PLCH2: variants seen among roughly 807,000 people sequenced by gnomAD.
PLCH2 encodes the protein 1-phosphatidylinositol 4,5-bisphosphate phosphodiesterase eta-2.
In PLCH2, 98 loss-of-function variants were observed where a neutral mutation model predicts 134.7. The ratio of observed to expected loss-of-function variants is 0.73; its 90% CI spans 0.62 to 0.86. PLCH2 has a LOEUF of 0.86. Among genes scored for constraint, PLCH2 ranks in the 40% least tolerant of loss-of-function variants. The probability of loss-of-function intolerance (pLI) is 0.00; values close to 1 mark genes in which losing one functional copy is unlikely to be tolerated. For synonymous variants in PLCH2, 974 were observed against 827.5 expected (o/e 1.18, Z -3.04); for missense variants, 1,994 against 1,986.6 (o/e 1.00, Z -0.07).
the PLCH2 span, among the ~76,000 whole-genome samples, chr1:2,418,265 G>A: frequency 3.3e-5 from 5 of 152,356 alleles, no homozygotes; most frequent in Admixed American, 1.3e-4. Context: ...AGCAGCTGCC[G>A]ACAGTGACAG....
intron 2 of PLCH2, 30 bp from the exon 3 acceptor site, chr1:2,479,704 C>T (rs2100652083): frequency 6.6e-7 from 1 of 1,519,948 alleles, no homozygotes; most frequent in East Asian, 2.5e-5. Context: ...CCCCCGGGGA[C>T]CTGACCCGTG....
upstream of PLCH2, among the ~76,000 whole-genome samples, chr1:2,463,486 G>T (rs1640917995): frequency 6.6e-6 from 1 of 152,244 alleles, no homozygotes; most frequent in Non-Finnish European, 1.5e-5. Flanking sequence ...TACTGCAGCA[G>T]GTCATCGGGA....
chr1:2,479,862 G>A lies in PLCH2; in HGVS notation c.400G>A (p.Asp134Asn), dbSNP rs2100652948. 6.2e-7 allele frequency: 1 copy of A among 1,611,560 alleles called. No homozygotes were observed. Among genetic ancestry groups the A allele is most frequent in the East Asian group, 2.2e-5 (1 of 44,848 alleles). ...CCACGGCAGCCACCGCGAGTCGCTGGACCTGGTCTCCACCAGCAGCGAGGT... is the reference window on the plus strand; with the variant it reads ...CCACGGCAGCCACCGCGAGTCGCTGAACCTGGTCTCCACCAGCAGCGAGGT... ...IYHGSHRESLDLVSTSSEVAR... is the reference protein window; with the variant it reads ...IYHGSHRESLNLVSTSSEVAR... The change falls in exon 3 of 22, where the codon GAC becomes AAC. Residue 134 changes from aspartate to asparagine, a missense_variant. By Grantham distance (23) the Asp-to-Asn change is conservative. Transcript: ENST00000378486.
intron 11 of PLCH2, among the ~76,000 whole-genome samples, chr1:2,494,086 AG>A (rs1642739176): frequency 6.6e-6 from 1 of 152,134 alleles, no homozygotes; most frequent in Non-Finnish European, 1.5e-5. Context: ...CAAAGAAAGT[AG>A]CCCCCACCCT....
intron 4 of PLCH2, among the ~76,000 whole-genome samples, chr1:2,483,128 C>T (rs1642066693): frequency 6.6e-6 from 1 of 152,190 alleles, no homozygotes; most frequent in Non-Finnish European, 1.5e-5. Flanking sequence ...ACCTCCTCGA[C>T]TTTTGGAGGT....
At chr1:2,466,771 G>A (rs565163723), upstream of PLCH2, among the ~76,000 whole-genome samples, 4 of 152,364 alleles carry the variant, frequency 2.6e-5, no homozygotes, top group East Asian at 5.8e-4. Flanking sequence ...AGCGCGTGCA[G>A]GGGGAGGCAG....
intron 1 of PLCH2, among the ~76,000 whole-genome samples, chr1:2,428,269 G>A (rs377363434): frequency 2.0e-5 from 3 of 152,344 alleles, no homozygotes; most frequent in African/African-American, 7.2e-5. Flanking sequence ...GGATCGGCCA[G>A]CACTCCATGG....
At chr1:2,499,356 C>A in intron 19 of PLCH2, 126 bp downstream of exon 19, 2 of 1,209,888 alleles carry the variant, frequency 1.7e-6, no homozygotes, top group Non-Finnish European at 2.3e-6. Context: ...GAGACAGGAG[C>A]TGAGGACGGG....
chr1:2,428,819 C>T (rs1265106589), intron 1 of PLCH2, among the ~76,000 whole-genome samples: 1 of 152,258 alleles, frequency 6.6e-6, no homozygotes, highest in Non-Finnish European at 1.5e-5. Flanking sequence ...CTGGGAGACC[C>T]CATGCCTGGG....
chr1:2,463,137 T>C (rs372614149), upstream of PLCH2, among the ~76,000 whole-genome samples: 40 of 152,292 alleles, frequency 2.6e-4, no homozygotes, highest in East Asian at 2.9e-3. Context: ...GGACGTTCTG[T>C]GCACGATGAG....
In PLCH2 at chr1:2,491,329, A is replaced by G; in HGVS notation, c.1653A>G (p.Gly551=). ...CACTGTCCCCATCTGGAAAGCTCGG[A>G]CGCAAGGTAGAGGCCAAAAAGGTGA... The part of the protein sequence containing the change: ...VSTLSPSGKL[G]RKSKAEEDVE... Residue 551 remains glycine, a synonymous_variant, in exon 11 of 22, where the codon GGA becomes GGG. Transcript: ENST00000378486. The G allele has an allele frequency of 1.2e-6, 2 of 1,612,666 alleles. No individual in the cohort carries two copies. The highest frequency in any genetic ancestry group is 1.7e-6 in the Non-Finnish European group (2 of 1,179,630).
chr1:2,468,455 C>T (rs1244112986), intron 1 of PLCH2, among the ~76,000 whole-genome samples: 3 of 152,194 alleles, frequency 2.0e-5, no homozygotes, highest in Admixed American at 6.5e-5. Flanking sequence ...TGGGCAGGCC[C>T]CTTCAGCACT....
intron 20 of PLCH2, chr1:2,500,797 C>A (rs1643178743): frequency 2.2e-5 from 1 of 44,572 alleles, no homozygotes; most frequent in Non-Finnish European, 4.6e-5. Flanking sequence ...CTCCCTCAGT[C>A]CTCCCTCCCC....
rs772130024 is a variant in PLCH2 at position 2,487,555 on chromosome 1, G to C, written c.1115-43G>C. 12 of 1,590,130 alleles carry C rather than the reference G, an allele frequency of 7.5e-6. No homozygotes were observed. The South Asian group carries it at 1.1e-4, about 15-fold the overall frequency. The stretch of plus-strand genomic sequence containing the variant: ...GAAGCTCAGCCTGCCTGGGCTCACT[G>C]TGGCTAGGCCCCTGGGGCTGACCAA... On this transcript the variant is annotated intron_variant, in intron 7 of 21. Transcript: ENST00000378486.
intron 1 of PLCH2, among the ~76,000 whole-genome samples, chr1:2,477,552 G>A (rs945230280): frequency 5.3e-5 from 8 of 152,306 alleles, no homozygotes; most frequent in African/African-American, 1.9e-4. Flanking sequence ...CTTTCTGTGA[G>A]CAGGTGTGCA....
chr1:2,451,833 C>T (rs1329546525), intron 2 of PLCH2, among the ~76,000 whole-genome samples: 4 of 151,418 alleles, frequency 2.6e-5, no homozygotes, highest in East Asian at 2.0e-4. Flanking sequence ...GCCGGGGGGG[C>T]GGTGGGTGGT....
At position 2,448,295 on chromosome 1, in the gene PLCH2, G is replaced by C. The variant is rs1477291562; in HGVS notation, c.115+17666G>C. On this transcript the variant is annotated intron_variant, in intron 2 of 3. Coordinates refer to the PLCH2 transcript ENST00000609981. This position sits in a 1 kb window ranked among gnomAD's most constrained non-coding sequence, Gnocchi z 4.0. ...CTGGAGGCTGGAAGTCTGAGGTCAG[G>C]GTGTGGGTGGGGCCGCGCTCCCTCT... Among the ~76,000 whole-genome samples, 1 of 152,162 alleles carries C rather than the reference G, an allele frequency of 6.6e-6. No homozygotes were observed. Among genetic ancestry groups the C allele is most frequent in the African/African-American group, 2.4e-5 (1 of 41,428 alleles).
chr1:2,441,435 C>T lies in PLCH2; in HGVS notation c.115+10806C>T, dbSNP rs76228524. 8.6e-3 allele frequency among the ~76,000 whole-genome samples: 1,313 copies of T among 152,298 alleles called. 11 individuals carry two copies. The highest frequency in any genetic ancestry group is 0.013 in the East Asian group (65 of 5,184). On this transcript the variant is annotated intron_variant, in intron 2 of 3. Coordinates refer to the PLCH2 transcript ENST00000609981. Reference sequence around the variant, plus strand: ...GCCTGGGGATGTTCATTCACAGCACCGAGCTCTGTGGGTACTCTTTCATTC... The same window carrying T: ...GCCTGGGGATGTTCATTCACAGCACTGAGCTCTGTGGGTACTCTTTCATTC...
chr1:2,431,541 C>T (rs538715630), intron 2 of PLCH2, among the ~76,000 whole-genome samples: 19 of 152,266 alleles, frequency 1.2e-4, no homozygotes, highest in Non-Finnish European at 2.4e-4. Context: ...AAGGGGAGAC[C>T]AGATGGGGGA....
Sources: gnomAD v4.1 joint callset for allele counts (sites outside exome capture counted in the v4.1 genomes callset) on GRCh38, gnomAD v4.1.1 for gene constraint, Gnocchi (gnomAD v3.1) non-coding constraint, MANE v1.5 for transcripts, NCBI Gene and HGNC (gene_info 2026-07-23, HGNC 2026-07-21) for gene names.